TACC1: variants seen among roughly 807,000 people sequenced by gnomAD.
The protein encoded by TACC1 is transforming acidic coiled-coil containing protein 1.
TACC1 carries 48 observed loss-of-function variants against 84.4 expected under a neutral mutation model. The ratio of observed to expected loss-of-function variants is 0.57; its 90% confidence interval spans 0.45 to 0.72. TACC1 has a LOEUF of 0.72. Among genes scored for constraint, TACC1 ranks in the 30% least tolerant of loss-of-function variants. The probability of loss-of-function intolerance (pLI) is 0.00; values close to 1 mark genes in which losing one functional copy is unlikely to be tolerated. For missense variants in TACC1, 920 were observed against 973.0 expected (o/e 0.95, Z 0.72); for synonymous variants, 372 against 376.3 (o/e 0.99, Z 0.13).
chr8:38,838,677 C>T (rs1563937638), intron 8 of TACC1, 131 bp downstream of exon 8: 1 of 688,268 alleles, frequency 1.5e-6, no homozygotes, highest in Non-Finnish European at 2.5e-6. Context: ...GCTGTTTGCA[C>T]CTTGCTTTGT....
At chr8:38,835,193 G>A (rs1172467413) in intron 6 of TACC1, among the ~76,000 whole-genome samples, 1 of 151,510 alleles carries the variant, frequency 6.6e-6, no homozygotes. Flanking sequence ...GGCGGAGCTT[G>A]CAGCGAGCCG....
intron 9 of TACC1, among the ~76,000 whole-genome samples, chr8:38,840,869 G>C (rs1044405290): frequency 4.3e-4 from 65 of 152,106 alleles, no homozygotes; most frequent in African/African-American, 1.5e-3. Flanking sequence ...GACCAACATG[G>C]AGAAACCCCG....
chr8:38,745,414 C>T lies in TACC1; in HGVS notation c.-54C>T. 11 of 644,518 alleles carry T rather than the reference C, an allele frequency of 1.7e-5. 1 individual carries two copies. The South Asian group carries it at 1.9e-4, about 11-fold the overall frequency. 39.9% of individuals were successfully genotyped at this position (644,518 alleles called of 1,614,324 possible). ...CCAAATTATGGGACATATTTAAAAA[C>T]CAGGAAAATGGAACGTAGTCTTAAG... On this transcript the variant is annotated 5_prime_UTR_variant, in exon 3 of 15. Coordinates refer to the TACC1 transcript ENST00000518415.
chr8:38,781,293 C>A (rs1179672895), intron 3 of TACC1, among the ~76,000 whole-genome samples: 1 of 151,940 alleles, frequency 6.6e-6, no homozygotes, highest in Non-Finnish European at 1.5e-5. Flanking sequence ...TCTACTAATC[C>A]ATAAGGATGC....
exon 3 of TACC1, chr8:38,745,384 G>A: frequency 1.6e-6 from 1 of 617,688 alleles, no homozygotes; most frequent in Non-Finnish European, 2.9e-6. Flanking sequence ...ATCCAAGATT[G>A]AAACCCAAAT....
intron 3 of TACC1, among the ~76,000 whole-genome samples, chr8:38,770,833 G>A (rs1449186575): frequency 6.6e-6 from 1 of 152,084 alleles, no homozygotes; most frequent in East Asian, 1.9e-4. Context: ...CCTTGATGGT[G>A]TTGTGGAGGG....
intron 3 of TACC1, among the ~76,000 whole-genome samples, chr8:38,757,746 A>C (rs1189405779): frequency 6.6e-6 from 1 of 152,116 alleles, no homozygotes; most frequent in African/African-American, 2.4e-5. Context: ...AAACATTCAC[A>C]AGACAGAGTT....
intron 3 of TACC1, among the ~76,000 whole-genome samples, chr8:38,759,667 G>A (rs1435655020): frequency 6.6e-6 from 1 of 152,192 alleles, no homozygotes. Flanking sequence ...CTACTCAAGT[G>A]AATACATGAA....
intron 2 of TACC1, among the ~76,000 whole-genome samples, chr8:38,796,852 C>T (rs141698384): frequency 1.8e-4 from 28 of 152,330 alleles, no homozygotes; most frequent in Non-Finnish European, 8.8e-5. Flanking sequence ...TGTTGGTGAT[C>T]TCTGGCTGCA....
intron 2 of TACC1, among the ~76,000 whole-genome samples, chr8:38,796,096 GTATT>G (rs1280116629): frequency 6.6e-6 from 1 of 152,136 alleles, no homozygotes; most frequent in Admixed American, 6.5e-5. Flanking sequence ...TGTTTCAGCC[GTATT>G]TATTTATTAG....
At chr8:38,784,593 C>T (rs1816756136), upstream of TACC1, among the ~76,000 whole-genome samples, 1 of 151,810 alleles carries the variant, frequency 6.6e-6, no homozygotes, top group African/African-American at 2.4e-5. Context: ...TAAATTGCTG[C>T]ATAGGTGAGG....
At chr8:38,788,877 C>A in intron 2 of TACC1, 58 bp downstream of exon 2, 1 of 1,376,334 alleles carries the variant, frequency 7.3e-7, no homozygotes, top group South Asian at 1.3e-5. Flanking sequence ...TGAAAAATAT[C>A]AATGAAGGAA....
chr8:38,814,247 G>A (rs1238018118), intron 2 of TACC1, among the ~76,000 whole-genome samples: 1 of 152,190 alleles, frequency 6.6e-6, no homozygotes, highest in Non-Finnish European at 1.5e-5. Flanking sequence ...ATGCAAATGG[G>A]TACTGAGTTC....
intron 2 of TACC1, among the ~76,000 whole-genome samples, chr8:38,814,563 G>T (rs1414991093): frequency 1.3e-5 from 2 of 152,156 alleles, no homozygotes; most frequent in Non-Finnish European, 2.9e-5. Flanking sequence ...ATACCATCTA[G>T]GTTTGTGTCA....
chr8:38,822,100 C>G (rs1826964473), intron 3 of TACC1, among the ~76,000 whole-genome samples: 1 of 151,834 alleles, frequency 6.6e-6, no homozygotes, highest in Non-Finnish European at 1.5e-5. Context: ...TTTTAATTAG[C>G]TGGGAGTGGT....
intron 3 of TACC1, among the ~76,000 whole-genome samples, chr8:38,763,079 T>C (rs1343714722): frequency 6.6e-6 from 1 of 152,166 alleles, no homozygotes; most frequent in Non-Finnish European, 1.5e-5. Context: ...ATTCTAACAC[T>C]TGTTATTTTC....
Position 38,773,316 on chromosome 8 carries a change from C to A in TACC1, c.27-15388C>A, listed in dbSNP as rs1814041755. Among the ~76,000 whole-genome samples the A allele has an allele frequency of 1.3e-5, 2 of 150,702 alleles. 1 individual carries two copies. Among genetic ancestry groups the A allele is most frequent in the Admixed American group, 1.3e-4 (2 of 15,126 alleles). On this transcript the variant is annotated intron_variant, in intron 3 of 14. Coordinates refer to the TACC1 transcript ENST00000518415. ...CTCTAGCCTGAATGAAAGAGTAAAA[C>A]TCCGTCTCAAAAAAAAATTCATTAT... is the stretch of plus-strand genomic sequence containing the variant.
intron 3 of TACC1, among the ~76,000 whole-genome samples, chr8:38,755,752 C>CAACA (rs1554496270): frequency 2.1e-5 from 2 of 93,042 alleles, no homozygotes; most frequent in African/African-American, 3.5e-5. Flanking sequence ...ACAACAACAA[C>CAACA]AGAGTGTTCC....
intron 2 of TACC1, among the ~76,000 whole-genome samples, chr8:38,806,118 A>G (rs964797502): frequency 3.3e-5 from 5 of 152,122 alleles, no homozygotes; most frequent in Admixed American, 6.5e-5. Flanking sequence ...GGATAATTCT[A>G]TCTGTTTGAG....
Sources: allele counts gnomAD v4.1 joint callset (sites outside exome capture counted in the v4.1 genomes callset), GRCh38; gene constraint gnomAD v4.1.1; transcripts MANE v1.5; gene names NCBI Gene and HGNC (gene_info 2026-07-23, HGNC 2026-07-21).